The following RMST variants were observed in gnomAD, a reference collection of about 807,000 sequenced individuals.
RMST encodes long intergenic non-protein coding RNA 54.
chr12:97,516,262 A>G (rs898946861), intron 10 of RMST, among the ~76,000 whole-genome samples: 1 of 152,032 alleles, frequency 6.6e-6, no homozygotes, highest in Non-Finnish European at 1.5e-5. Context: ...ATGCTTGCTC[A>G]TATTGTAAAC....
intron 5 of RMST, among the ~76,000 whole-genome samples, chr12:97,467,566 G>A (rs908988539): frequency 2.6e-5 from 4 of 151,846 alleles, no homozygotes; most frequent in Non-Finnish European, 5.9e-5. Context: ...TTAAGCTCTG[G>A]CATCTGATTA....
chr12:97,523,367 G>A (rs1017915369), intron 10 of RMST, among the ~76,000 whole-genome samples: 2 of 152,174 alleles, frequency 1.3e-5, no homozygotes, highest in African/African-American at 2.4e-5. Flanking sequence ...GGAGAGATTA[G>A]TCAAGGGGGA....
chr12:97,524,217 G>A (rs1880864031), intron 10 of RMST, among the ~76,000 whole-genome samples: 1 of 151,734 alleles, frequency 6.6e-6, no homozygotes, highest in African/African-American at 2.4e-5. Context: ...ATCAGCAGCA[G>A]CAGCATTTGA....
intron 11 of RMST, among the ~76,000 whole-genome samples, chr12:97,555,804 T>G (rs1883665833): frequency 6.6e-6 from 1 of 152,228 alleles, no homozygotes. Context: ...AATATTTTTC[T>G]GACCTTTTCA....
chr12:97,523,246 A>C (rs762528959), intron 10 of RMST, among the ~76,000 whole-genome samples: 1 of 152,242 alleles, frequency 6.6e-6, no homozygotes, highest in Non-Finnish European at 1.5e-5. Context: ...AAAGGAAATA[A>C]TAATTATCGC....
At chr12:97,520,012 A>C (rs1363007927) in intron 10 of RMST, among the ~76,000 whole-genome samples, 1 of 152,190 alleles carries the variant, frequency 6.6e-6, no homozygotes, top group Non-Finnish European at 1.5e-5. Flanking sequence ...AGGAACAGGA[A>C]ATTTTGCACT....
intron 5 of RMST, among the ~76,000 whole-genome samples, chr12:97,482,750 ATT>A (rs1875546231): frequency 5.0e-5 from 2 of 40,104 alleles, no homozygotes; most frequent in African/African-American, 1.8e-4. Context: ...TTATTTATTT[ATT>A]AAATAAATTT....
At chr12:97,562,766 G>T (rs1327798375) in intron 13 of RMST, among the ~76,000 whole-genome samples, 2 of 152,118 alleles carry the variant, frequency 1.3e-5, no homozygotes, top group African/African-American at 4.8e-5. Flanking sequence ...ACTTCCTTTC[G>T]TTTAACTATT....
chr12:97,524,888 G>A (rs1880929920), intron 10 of RMST, among the ~76,000 whole-genome samples: 2 of 152,176 alleles, frequency 1.3e-5, no homozygotes, highest in Admixed American at 1.3e-4. Flanking sequence ...TATTTGAAAA[G>A]ATAAGGAAAG....
At chr12:97,523,873 C>T (rs1880771209) in intron 10 of RMST, among the ~76,000 whole-genome samples, 2 of 151,636 alleles carry the variant, frequency 1.3e-5, no homozygotes, top group African/African-American at 4.8e-5. Context: ...GTCAGGAGAT[C>T]CAGACCATCC....
intron 5 of RMST, among the ~76,000 whole-genome samples, chr12:97,478,130 A>G (rs1004455712): frequency 1.1e-4 from 16 of 152,194 alleles, no homozygotes; most frequent in Admixed American, 1.0e-3. Flanking sequence ...AACACTTGGT[A>G]TTGGGCTTTG....
intron 13 of RMST, among the ~76,000 whole-genome samples, chr12:97,561,280 A>T (rs1884082863): frequency 6.6e-6 from 1 of 152,158 alleles, no homozygotes; most frequent in African/African-American, 2.4e-5. Flanking sequence ...CGAGCCAATG[A>T]CTGCTACTAG....
intron 5 of RMST, among the ~76,000 whole-genome samples, chr12:97,488,136 C>A (rs770860406): frequency 2.0e-5 from 3 of 152,104 alleles, no homozygotes; most frequent in African/African-American, 4.8e-5. Flanking sequence ...TGTAATCCAG[C>A]GCTTTGGGAG....
chr12:97,484,232 A>G (rs912442624), intron 5 of RMST, among the ~76,000 whole-genome samples: 1 of 152,146 alleles, frequency 6.6e-6, no homozygotes, highest in Admixed American at 6.6e-5. Flanking sequence ...TAGCAATACA[A>G]CCATAAGAGC....
intron 11 of RMST, among the ~76,000 whole-genome samples, chr12:97,538,518 T>C (rs571482276): frequency 6.6e-6 from 1 of 151,448 alleles, no homozygotes; most frequent in East Asian, 1.9e-4. Flanking sequence ...AATGGACCCA[T>C]CTTTCCTTTC....
intron 10 of RMST, among the ~76,000 whole-genome samples, chr12:97,506,700 T>TG (rs1491098233): frequency 2.5e-3 from 344 of 135,042 alleles, no homozygotes; most frequent in African/African-American, 9.5e-3. Flanking sequence ...TTTTTTTTTT[T>TG]GGAGATGTAG....
At chr12:97,477,804 T>G (rs899982278) in intron 5 of RMST, among the ~76,000 whole-genome samples, 1 of 152,250 alleles carries the variant, frequency 6.6e-6, no homozygotes, top group African/African-American at 2.4e-5. Flanking sequence ...CAAGTATGTG[T>G]TGCTTAACTT....
rs563957246 is a variant in RMST, at chr12:97,518,304, G to T, written n.1341-12351G>T. 5.9e-5 allele frequency among the ~76,000 whole-genome samples: 9 copies of T among 152,148 alleles called. No homozygotes were observed. The East Asian group carries it at 1.5e-3, about 26-fold the overall frequency. On this transcript the variant is annotated intron_variant and non_coding_transcript_variant, in intron 10 of 13. Coordinates refer to ENST00000640149, the Ensembl canonical transcript of RMST. ...AACTGAAACTATTGATATTTATTTG[G>T]AGCAAAGATGAATATTATTACCATA...
intron 10 of RMST, among the ~76,000 whole-genome samples, chr12:97,507,187 C>T (rs189015565): frequency 4.0e-5 from 6 of 151,124 alleles, no homozygotes; most frequent in African/African-American, 1.5e-4. Context: ...TAGGGAATAG[C>T]TGACCAAGGT....
Sources: gnomAD v4.1 joint callset for allele counts (sites outside exome capture counted in the v4.1 genomes callset) on GRCh38, gnomAD v4.1.1 for gene constraint, MANE v1.5 for transcripts, NCBI Gene and HGNC (gene_info 2026-07-23, HGNC 2026-07-21) for gene names.